The following IQSEC3 variants were observed in gnomAD, a reference collection of about 807,000 sequenced individuals.
The protein encoded by IQSEC3 is IQ motif and Sec7 domain ArfGEF 3, also known as IQ motif and SEC7 domain-containing protein 3.
Under a neutral mutation model 105.4 loss-of-function variants are expected in IQSEC3, and 50 were observed. The ratio of observed to expected loss-of-function variants is 0.47; its 90% confidence interval spans 0.38 to 0.60. IQSEC3 has a LOEUF of 0.60. Among genes scored for constraint, IQSEC3 ranks in the 20% least tolerant of loss-of-function variants. IQSEC3 has a pLI of 0.00. For missense variants in IQSEC3, 1,415 were observed against 1,630.0 expected, an observed-to-expected ratio of 0.87 and a Z score of 2.27; for synonymous variants, 708 against 746.0, an observed-to-expected ratio of 0.95 and a Z score of 0.83.
chr12:149,722 C>T (rs781864862), intron 5 of IQSEC3, among the ~76,000 whole-genome samples: 11 of 152,128 alleles, frequency 7.2e-5, no homozygotes, highest in Non-Finnish European at 1.3e-4. Flanking sequence ...CCGGGGACAA[C>T]GGAGGTCAGG....
intron 2 of IQSEC3, among the ~76,000 whole-genome samples, chr12:120,650 C>T (rs1013175941): frequency 1.3e-5 from 2 of 152,146 alleles, no homozygotes; most frequent in Non-Finnish European, 2.9e-5. Context: ...TGTTCTGTTC[C>T]AACACACAGG....
At chr12:107,787 T>A (rs1864727745) in intron 2 of IQSEC3, among the ~76,000 whole-genome samples, 1 of 152,112 alleles carries the variant, frequency 6.6e-6, no homozygotes, top group Admixed American at 6.5e-5. Flanking sequence ...TTAACAAGGG[T>A]GTAGATCCCT....
chr12:128,519 G>A (rs927254671), intron 3 of IQSEC3, among the ~76,000 whole-genome samples: 1 of 148,392 alleles, frequency 6.7e-6, no homozygotes, highest in South Asian at 2.1e-4. Context: ...CCTGGGAGGG[G>A]TGTTGGACAA....
chr12:98,852 C>T lies in IQSEC3; in HGVS notation c.555-294C>T, dbSNP rs782223895. Among the ~76,000 whole-genome samples the T allele has an allele frequency of 2.1e-4, 32 of 152,160 alleles. 2 individuals carry two copies. The highest frequency in any genetic ancestry group is 9.2e-4 in the Admixed American group (14 of 15,282). On this transcript the variant is annotated intron_variant, in intron 1 of 13. Transcript: ENST00000538872. ...TACATGCACGCGAAAGAGCCTGCTG[C>T]GGGGAGGGCGTGCAGAAGTAGGAAG...
intron 4 of IQSEC3, 49 bp from the exon 5 acceptor site, chr12:141,075 G>A (rs938799349): frequency 6.5e-7 from 1 of 1,532,774 alleles, no homozygotes; most frequent in South Asian, 1.2e-5. Context: ...AAAGAGTCAT[G>A]GATGGCTTCA....
intron 2 of IQSEC3, among the ~76,000 whole-genome samples, chr12:120,515 G>T (rs1240177382): frequency 6.6e-6 from 1 of 152,124 alleles, no homozygotes. Flanking sequence ...GGATAGACAG[G>T]CTGTGGTGGC....
At chr12:125,970 C>CTG (rs1189222519) in intron 3 of IQSEC3, 58 bp downstream of exon 3, 6 of 1,484,220 alleles carry the variant, frequency 4.0e-6, no homozygotes, top group African/African-American at 2.8e-5. Context: ...GCTTTGGGGG[C>CTG]TGTCGAGGGT....
intron 7 of IQSEC3, among the ~76,000 whole-genome samples, chr12:161,692 CAGG>C (rs1434833674): frequency 6.6e-6 from 1 of 152,104 alleles, no homozygotes; most frequent in East Asian, 1.9e-4. Context: ...TGGGGAACAT[CAGG>C]AGGTGAGGCA....
At chr12:153,163 T>C (rs556350896) in intron 5 of IQSEC3, among the ~76,000 whole-genome samples, 2 of 151,930 alleles carry the variant, frequency 1.3e-5, no homozygotes, top group East Asian at 3.9e-4. Context: ...GCTCATGCTG[T>C]AGAGGGCCGA....
intron 4 of IQSEC3, chr12:139,655 A>C: frequency 3.0e-6 from 1 of 328,368 alleles, no homozygotes. Flanking sequence ...AAGTAAGAGA[A>C]TGTAAAAGAA....
In IQSEC3 at chr12:177,034, G is replaced by A. The variant is rs370136510; in HGVS notation, c.*2001G>A. 2.6e-5 allele frequency: 4 copies of A among 152,314 alleles called. No homozygotes were observed. The highest frequency in any genetic ancestry group is 3.8e-4 in the East Asian group (2 of 5,200). The allele number at this position is 152,314 out of a possible 1,614,324, so 9.4% of individuals were successfully genotyped here. A position where few individuals can be genotyped will look rare whatever the true frequency, so the allele number is the denominator to read the frequency against. On this transcript the variant is annotated 3_prime_UTR_variant, in exon 14 of 14. Transcript: ENST00000538872. This position sits in a 1 kb window ranked among gnomAD's most constrained non-coding sequence, Gnocchi z 5.3. ...ACGATGACTAAGAGGCAGGGAGTGC[G>A]AGGTATGGGGGAATAGGAACTATGA...
At chr12:104,637 C>A (rs1021383059) in intron 2 of IQSEC3, among the ~76,000 whole-genome samples, 1 of 152,232 alleles carries the variant, frequency 6.6e-6, no homozygotes, top group Non-Finnish European at 1.5e-5. Context: ...CCTACCCTAA[C>A]CACTTCCTCC....
chr12:130,690 C>T lies in IQSEC3; in HGVS notation c.903+4778C>T, dbSNP rs561529267. Among the ~76,000 whole-genome samples, 17 of 152,320 alleles carry T rather than the reference C, an allele frequency of 1.1e-4. No homozygotes were observed. The East Asian group carries it at 1.2e-3, about 10-fold the overall frequency. ...CTCCCAGGCAGGCCTCAACGCCCTGCGTGTCAAGCACTTGCTGTATTCCAG... is the reference window on the plus strand; with the variant it reads ...CTCCCAGGCAGGCCTCAACGCCCTGTGTGTCAAGCACTTGCTGTATTCCAG... On this transcript the variant is annotated intron_variant, in intron 3 of 13. Transcript: ENST00000538872.
chr12:170,982 C>A, intron 12 of IQSEC3, 130 bp from the exon 13 acceptor site: 1 of 1,131,238 alleles, frequency 8.8e-7, no homozygotes. Context: ...GTGGGGCTCC[C>A]AACCTCCGCC....
In IQSEC3 at chr12:163,474, AGCGCCCTGCCCGCGT is replaced by A; in HGVS notation, c.2584-17_2584-3del. On this transcript the variant is annotated splice_polypyrimidine_tract_variant and splice_region_variant and intron_variant, in intron 8 of 13. Coordinates refer to ENST00000538872, the MANE Select transcript of IQSEC3 (RefSeq NM_001170738.2). ...TCCAGGCCTCTGGTCTCTCCCGCTG[AGCGCCCTGCCCGCGT>A]GCAGGTGCTGTCCGTGCCCCACCGC... 1.3e-6 allele frequency: 2 copies of A among 1,590,424 alleles called. No individual in the cohort carries two copies. The highest frequency in any genetic ancestry group is 1.7e-6 in the Non-Finnish European group (2 of 1,166,822).
chr12:126,729 C>CA (rs113426530), intron 3 of IQSEC3, among the ~76,000 whole-genome samples: 1 of 152,058 alleles, frequency 6.6e-6, no homozygotes, highest in Non-Finnish European at 1.5e-5. Context: ...TCCTCATCTG[C>CA]AAAAAAATGA....
chr12:69,979 T>C (rs1200167536), intron 1 of IQSEC3, among the ~76,000 whole-genome samples: 1 of 152,272 alleles, frequency 6.6e-6, no homozygotes, highest in Non-Finnish European at 1.5e-5. Context: ...TCCCTGGTAT[T>C]GCTCCTGGGG....
chr12:161,456 T>G (rs1866886177), intron 7 of IQSEC3, among the ~76,000 whole-genome samples: 1 of 152,190 alleles, frequency 6.6e-6, no homozygotes, highest in East Asian at 1.9e-4. Flanking sequence ...AAGCCCTCAA[T>G]GCCATGCTCC....
intron 1 of IQSEC3, among the ~76,000 whole-genome samples, chr12:75,333 A>C (rs1169849772): frequency 2.6e-5 from 4 of 152,168 alleles, no homozygotes; most frequent in Non-Finnish European, 4.4e-5. Context: ...AGCTCAACTA[A>C]ATTTTGCAGA....
Sources: gnomAD v4.1 joint callset for allele counts (sites outside exome capture counted in the v4.1 genomes callset) on GRCh38, gnomAD v4.1.1 for gene constraint, Gnocchi (gnomAD v3.1) non-coding constraint, MANE v1.5 for transcripts, NCBI Gene and HGNC (gene_info 2026-07-23, HGNC 2026-07-21) for gene names.